CACNA1E: variants seen among roughly 807,000 people sequenced by gnomAD.
CACNA1E encodes voltage-dependent R-type calcium channel subunit alpha-1E.
In CACNA1E, 40 loss-of-function variants were observed where a neutral mutation model predicts 259.2. That is an observed-to-expected ratio of 0.15 (90% CI 0.12 to 0.20). CACNA1E has a LOEUF of 0.20. Among genes scored for constraint, CACNA1E ranks in the 10% least tolerant of loss-of-function variants. The probability of loss-of-function intolerance (pLI) is 1.00; values close to 1 mark genes in which losing one functional copy is unlikely to be tolerated. For synonymous variants in CACNA1E, 1,104 were observed against 1,138.5 expected (o/e 0.97, Z 0.61); for missense variants, 1,874 against 3,040.1 (o/e 0.62, Z 9.02).
At chr1:181,668,767 T>C (rs1354682989) in intron 7 of CACNA1E, 1 of 152,180 alleles carries the variant, frequency 6.6e-6, no homozygotes, top group Admixed American at 6.6e-5. Flanking sequence ...TGGTGACTCA[T>C]GCCTGTAATC....
intron 1 of CACNA1E, among the ~76,000 whole-genome samples, chr1:181,359,332 C>T (rs1049904001): frequency 2.6e-5 from 4 of 152,000 alleles, no homozygotes; most frequent in Non-Finnish European, 4.4e-5. Context: ...TGAGAGGGTT[C>T]GGAAATGACA....
At chr1:181,451,814 C>T (rs536182758) in intron 2 of CACNA1E, among the ~76,000 whole-genome samples, 1 of 152,066 alleles carries the variant, frequency 6.6e-6, no homozygotes, top group African/African-American at 2.4e-5. Context: ...GAAGACAGGG[C>T]CCAGGGCTAA....
chr1:181,785,404 C>A lies in CACNA1E; in HGVS notation c.5665C>A (p.Gln1889Lys). The change falls in exon 42 of 48, where the codon CAG (glutamine) becomes AAG (lysine). Residue 1889 changes from glutamine to lysine, a missense_variant. Gln to Lys is a moderately conservative substitution (Grantham distance 53, BLOSUM62 1). Coordinates refer to ENST00000367573, the MANE Select transcript of CACNA1E (RefSeq NM_001205293.3). ...KQSKVKKQRQQLEEQKNAPMF... is the reference protein window; with the variant it reads ...KQSKVKKQRQKLEEQKNAPMF... ...GAGTAAGGTGAAGAAGCAGAGGCAGCAGCTGGAGGAACAGGTGAAAGTCAA... is the reference window on the plus strand; with the variant it reads ...GAGTAAGGTGAAGAAGCAGAGGCAGAAGCTGGAGGAACAGGTGAAAGTCAA... 3 of 1,608,554 alleles carry A rather than the reference C, an allele frequency of 1.9e-6. No homozygotes were observed. The highest frequency in any genetic ancestry group is 2.6e-6 in the Non-Finnish European group (3 of 1,175,458).
At chr1:181,372,829 T>TATATATATA (rs200880723) in intron 1 of CACNA1E, among the ~76,000 whole-genome samples, 64 of 86,400 alleles carry the variant, frequency 7.4e-4, no homozygotes, top group African/African-American at 2.5e-3. Flanking sequence ...TATATATATA[T>TATATATATA]TTTTTTTTTA....
intron 42 of CACNA1E, 124 bp from the exon 43 acceptor site, chr1:181,785,589 A>G: frequency 2.2e-6 from 2 of 892,424 alleles, no homozygotes; most frequent in South Asian, 1.4e-5. Context: ...AGTGGATCGA[A>G]GGTTAAAATG....
chr1:181,497,437 A>G (rs1227575607), intron 1 of CACNA1E, among the ~76,000 whole-genome samples: 1 of 152,096 alleles, frequency 6.6e-6, no homozygotes, highest in Non-Finnish European at 1.5e-5. Context: ...ATATAATTTT[A>G]CCACCATTCT....
At chr1:181,551,373 G>C (rs1444217835) in intron 3 of CACNA1E, among the ~76,000 whole-genome samples, 1 of 152,210 alleles carries the variant, frequency 6.6e-6, no homozygotes, top group Non-Finnish European at 1.5e-5. Context: ...TGGTGGGGTG[G>C]TGATGCAGCG....
intron 18 of CACNA1E, among the ~76,000 whole-genome samples, chr1:181,730,004 G>A (rs551630887): frequency 2.3e-4 from 35 of 152,162 alleles, no homozygotes; most frequent in Non-Finnish European, 7.3e-5. Context: ...CAGTTGAGGA[G>A]CTCACAGGCT....
chr1:181,540,285 G>T (rs1375312589), intron 3 of CACNA1E, among the ~76,000 whole-genome samples: 2 of 152,148 alleles, frequency 1.3e-5, no homozygotes, highest in Non-Finnish European at 2.9e-5. Context: ...CCGTGGCACA[G>T]GGCTGATTCC....
intron 1 of CACNA1E, among the ~76,000 whole-genome samples, chr1:181,355,794 G>C (rs1228061091): frequency 6.6e-6 from 1 of 152,226 alleles, no homozygotes; most frequent in African/African-American, 2.4e-5. Flanking sequence ...CTGGAGGACA[G>C]GGGATGTTAA....
chr1:181,789,894 A>G (rs753093917), intron 43 of CACNA1E, among the ~76,000 whole-genome samples: 3 of 151,976 alleles, frequency 2.0e-5, no homozygotes, highest in Non-Finnish European at 4.4e-5. Context: ...CCTCACCACC[A>G]CCTCTGAAAT....
intron 38 of CACNA1E, among the ~76,000 whole-genome samples, chr1:181,777,527 C>T (rs1340875625): frequency 6.6e-6 from 1 of 152,150 alleles, no homozygotes; most frequent in Non-Finnish European, 1.5e-5. Context: ...GGCTGAGCAA[C>T]AGCTTTTTCT....
chr1:181,539,195 C>T (rs1363072809), intron 3 of CACNA1E, among the ~76,000 whole-genome samples: 1 of 152,208 alleles, frequency 6.6e-6, no homozygotes, highest in East Asian at 1.9e-4. Context: ...TTTTCCGTTA[C>T]TCGTTGACTA....
In CACNA1E at chr1:181,733,655, T is replaced by C. The variant is rs780418929; in HGVS notation, c.3167T>C (p.Ile1056Thr). 1.9e-6 allele frequency: 3 copies of C among 1,611,124 alleles called. No individual in the cohort carries two copies. The East Asian group carries it at 6.7e-5, about 36-fold the overall frequency. ...ISQSEPDLSC[I>T]TANTDKATTE... ...CAGAGCGAGCCTGACCTCTCCTGCA[T>C]CACGGCCAACACGGACAAGGCCACC... Residue 1056 changes from isoleucine to threonine, a missense_variant, in exon 21 of 48, where the codon ATC becomes ACC. Physicochemically the swap from Ile to Thr is moderately conservative, Grantham distance 89. Around this residue, in one of 14 missense-constraint regions of CACNA1E, gnomAD observed 476 missense variants for 514.0 expected, o/e 0.93. Coordinates refer to ENST00000367573, the MANE Select transcript of CACNA1E (RefSeq NM_001205293.3).
chr1:181,662,853 G>T (rs1428329939), intron 7 of CACNA1E, among the ~76,000 whole-genome samples: 2 of 152,156 alleles, frequency 1.3e-5, no homozygotes, highest in African/African-American at 4.8e-5. Flanking sequence ...TGTGCCCTTG[G>T]GCCCCACATG....
At chr1:181,394,789 ACAGT>A (rs959921090) in intron 1 of CACNA1E, among the ~76,000 whole-genome samples, 5 of 152,186 alleles carry the variant, frequency 3.3e-5, no homozygotes, top group East Asian at 1.9e-4. Flanking sequence ...GACAGAAGAA[ACAGT>A]CAGTGCAAAT....
At chr1:181,335,509 T>G (rs190626816) in intron 1 of CACNA1E, among the ~76,000 whole-genome samples, 1 of 152,256 alleles carries the variant, frequency 6.6e-6, no homozygotes, top group African/African-American at 2.4e-5. Context: ...ATCTGGGGAG[T>G]AGGATACCCT....
intron 3 of CACNA1E, among the ~76,000 whole-genome samples, chr1:181,515,152 C>G (rs148794519): frequency 6.6e-6 from 1 of 152,080 alleles, no homozygotes; most frequent in African/African-American, 2.4e-5. Flanking sequence ...CTTTAGTCCC[C>G]GTGAGGCAGT....
chr1:181,566,606 T>C (rs1030276954), intron 3 of CACNA1E, among the ~76,000 whole-genome samples: 1 of 152,168 alleles, frequency 6.6e-6, no homozygotes, highest in Non-Finnish European at 1.5e-5. Context: ...GAACCTCTTC[T>C]TGAGGTTAAG....
Sources: gnomAD v4.1 joint callset for allele counts (sites outside exome capture counted in the v4.1 genomes callset) on GRCh38, gnomAD v4.1.1 for gene constraint, gnomAD v4.1.1 regional missense constraint, MANE v1.5 for transcripts, NCBI Gene and HGNC (gene_info 2026-07-23, HGNC 2026-07-21) for gene names.